TUBGCP6: variants seen among roughly 807,000 people sequenced by gnomAD.
TUBGCP6 encodes the protein tubulin gamma complex component 6.
Under a neutral mutation model 175.8 loss-of-function variants are expected in TUBGCP6, and 161 were observed. The ratio of observed to expected loss-of-function variants is 0.92; its 90% CI spans 0.81 to 1.04. The LOEUF (loss-of-function observed/expected upper bound fraction) is 1.04. Ranked by LOEUF, TUBGCP6 falls within the 50% of genes least tolerant of loss-of-function variation. The probability of loss-of-function intolerance (pLI) is 0.00; values close to 1 mark genes in which losing one functional copy is unlikely to be tolerated. For missense variants in TUBGCP6, 2,572 were observed against 2,433.0 expected (o/e 1.06, Z -1.20); for synonymous variants, 1,173 against 1,030.5 (o/e 1.14, Z -2.65).
chr22:50,222,807 G>A (rs953224130), intron 13 of TUBGCP6, among the ~76,000 whole-genome samples: 1 of 152,342 alleles, frequency 6.6e-6, no homozygotes, highest in East Asian at 1.9e-4. Flanking sequence ...AGACCCTGGT[G>A]AGTCAGCGTC....
chr22:50,234,144 AT>A (rs1306126571), intron 2 of TUBGCP6, among the ~76,000 whole-genome samples: 1 of 136,448 alleles, frequency 7.3e-6, no homozygotes, highest in Non-Finnish European at 1.6e-5. Flanking sequence ...CCACACCCCT[AT>A]CCACAGCAGC....
At position 50,218,204 on chromosome 22, in the gene TUBGCP6, T is replaced by A; in HGVS notation, c.5153A>T (p.His1718Leu). ...CAGGCCTCACCTGAAGACGGCCTTG[T>A]GCAGGTACTCTGCGTGCGCACGCTG... Reference protein sequence around the residue: ...EIQRAHAEYLHKAVFRGLLTE... With the variant: ...EIQRAHAEYLLKAVFRGLLTE... Residue 1718 changes from histidine to leucine, a missense_variant, in exon 23 of 25, where the codon CAC (histidine) becomes CTC (leucine). By Grantham distance (99) the His-to-Leu change is moderately conservative. Coordinates refer to ENST00000248846, the MANE Select transcript of TUBGCP6 (RefSeq NM_020461.4). 1 of 1,612,210 alleles carries A rather than the reference T, an allele frequency of 6.2e-7. No homozygotes were observed. Among genetic ancestry groups the A allele is most frequent in the Non-Finnish European group, 8.5e-7 (1 of 1,179,844 alleles).
At chr22:50,236,726 G>A (rs1375667012) in intron 2 of TUBGCP6, among the ~76,000 whole-genome samples, 1 of 152,184 alleles carries the variant, frequency 6.6e-6, no homozygotes, top group Non-Finnish European at 1.5e-5. Flanking sequence ...GACCCCAGAC[G>A]CCTGCCCAGG....
At chr22:50,227,309 C>A (rs369155852) in intron 5 of TUBGCP6, among the ~76,000 whole-genome samples, 1 of 152,138 alleles carries the variant, frequency 6.6e-6, no homozygotes, top group African/African-American at 2.4e-5. Flanking sequence ...AGTACCCACA[C>A]CCAGCAGGCC....
At chr22:50,231,031 G>C (rs1452280587) in intron 3 of TUBGCP6, among the ~76,000 whole-genome samples, 3 of 131,546 alleles carry the variant, frequency 2.3e-5, no homozygotes, top group Non-Finnish European at 4.7e-5. Flanking sequence ...GCAGTGAGCT[G>C]AGATCACGCC....
Position 50,218,287 on chromosome 22 carries a change from G to T in TUBGCP6, c.5070C>A (p.His1690Gln). The stretch of plus-strand genomic sequence containing the variant: ...TGGCCCTGAACTCGCACCAGGTGAC[G>T]TGCAGGATCTGGTTGGCGATGTAGC... Reference protein sequence around the residue: ...IQGYIANQILHVTWCEFRARL... With the variant: ...IQGYIANQILQVTWCEFRARL... Residue 1690 changes from histidine to glutamine, a missense_variant, in exon 23 of 25, where the codon CAC becomes CAA. Physicochemically the swap from His to Gln is conservative, Grantham distance 24. Coordinates refer to ENST00000248846, the MANE Select transcript of TUBGCP6 (RefSeq NM_020461.4). The T allele has an allele frequency of 3.1e-6, 5 of 1,613,152 alleles. No homozygotes were observed. Among genetic ancestry groups the T allele is most frequent in the South Asian group, 1.1e-5 (1 of 91,090 alleles).
intron 3 of TUBGCP6, among the ~76,000 whole-genome samples, chr22:50,232,876 T>G (rs2064711625): frequency 6.6e-6 from 1 of 152,222 alleles, no homozygotes; most frequent in Non-Finnish European, 1.5e-5. Flanking sequence ...CTGGCTAAAC[T>G]GCAGCTGGTG....
At position 50,221,672 on chromosome 22, in the gene TUBGCP6, A is replaced by G. The variant is rs749154279; in HGVS notation, c.2687T>C (p.Ile896Thr). 1.3e-6 allele frequency: 2 copies of G among 1,518,124 alleles called. No homozygotes were observed. Among genetic ancestry groups the G allele is most frequent in the East Asian group, 2.3e-5 (1 of 44,032 alleles). 94.0% of individuals were successfully genotyped at this position (1,518,124 alleles called of 1,614,324 possible). Residue 896 changes from isoleucine to threonine, a missense_variant, in exon 16 of 25, where the codon ATT becomes ACT. Transcript: ENST00000248846. ...TGGGCCCACAGGTAGGAAGTCTCCA[A>G]TGCTGAGGCTGTCAGAGAAGGGTCT... ...GARPFSDSLS[I>T]GDFLPVGPGA...
intron 4 of TUBGCP6, among the ~76,000 whole-genome samples, chr22:50,228,278 GGGCGCCC>G (rs2064642302): frequency 2.0e-5 from 1 of 50,168 alleles, no homozygotes; most frequent in African/African-American, 8.4e-5. Flanking sequence ...GCTGCCCCAG[GGGCGCCC>G]ACCACCAACC....
intron 24 of TUBGCP6, 39 bp from the exon 25 acceptor site, chr22:50,217,866 G>T: frequency 6.2e-7 from 1 of 1,610,540 alleles, no homozygotes; most frequent in Non-Finnish European, 8.5e-7. Context: ...TGCCCACAGT[G>T]TGAGCCCCGC....
intron 1 of TUBGCP6, among the ~76,000 whole-genome samples, 153 bp from the exon 2 acceptor site, chr22:50,240,520 A>C (rs2064826814): frequency 6.6e-6 from 1 of 152,242 alleles, no homozygotes; most frequent in African/African-American, 2.4e-5. Context: ...GTTTCCCACC[A>C]ATGAGCCATT....
rs774527811 is a variant in TUBGCP6, at chr22:50,240,381, G to C, written c.742-14C>G. The C allele has an allele frequency of 1.9e-6, 3 of 1,611,196 alleles. No individual in the cohort carries two copies. The Admixed American group carries it at 5.0e-5, about 27-fold the overall frequency. ...ACTCGGTGGGACCTGGAGACACAGG[G>C]AAGGGCAAACCGCCACTTATTGCTG... is the stretch of plus-strand genomic sequence containing the variant. On this transcript the variant is annotated splice_polypyrimidine_tract_variant and intron_variant, in intron 1 of 24. Transcript: ENST00000248846.
Position 50,218,408 on chromosome 22 carries a change from G to GGAGGGCA in TUBGCP6, c.4955-13_4955-7dup. The GGAGGGCA allele has an allele frequency of 1.2e-6, 2 of 1,612,788 alleles. No homozygotes were observed. Among genetic ancestry groups the GGAGGGCA allele is most frequent in the Non-Finnish European group, 1.7e-6 (2 of 1,179,860 alleles). On this transcript the variant is annotated splice_region_variant and splice_polypyrimidine_tract_variant and intron_variant, in intron 22 of 24. Coordinates refer to ENST00000248846, the MANE Select transcript of TUBGCP6 (RefSeq NM_020461.4). ...GGCCATGTGGCTCAGCAGGGCTGGC[G>GGAGGGCA]GAGGGCAGAAGGCAGAGGGCAGAGG...
At chr22:50,234,117 GTCCACAGCATCATCATCCACACCCCTA>G (rs1438044194) in intron 2 of TUBGCP6, among the ~76,000 whole-genome samples, 12 of 141,466 alleles carry the variant, frequency 8.5e-5, no homozygotes, top group Non-Finnish European at 1.8e-4. Flanking sequence ...CACACCCCCT[GTCCACAGCATCATCATCCACACCCCTA>G]TCCACAGCAG....
At position 50,218,411 on chromosome 22, in the gene TUBGCP6, G is replaced by A. The variant is rs758165631; in HGVS notation, c.4955-9C>T. On this transcript the variant is annotated splice_polypyrimidine_tract_variant and intron_variant, in intron 22 of 24. Transcript: ENST00000248846. ...CATGTGGCTCAGCAGGGCTGGCGGA[G>A]GGCAGAAGGCAGAGGGCAGAGGTGA... The A allele has an allele frequency of 6.2e-6, 10 of 1,612,930 alleles. No homozygotes were observed. The highest frequency in any genetic ancestry group is 8.5e-6 in the Non-Finnish European group (10 of 1,179,876).
chr22:50,226,091 A>G lies in TUBGCP6; in HGVS notation c.1792T>C (p.Cys598Arg). ...LKHIAHDIYV[C>R]GKTINLLKLC... ...TTCAGCAGGTTAATGGTCTTTCCGC[A>G]GACGTATATGTCGTGGGCAATGTGC... Residue 598 changes from cysteine (C) to arginine (R), a missense_variant, in exon 9 of 25, where the codon TGC (cysteine) becomes CGC (arginine). Physicochemically the swap from Cys to Arg is radical, Grantham distance 180 (BLOSUM62 -3). Transcript: ENST00000248846. 1 of 1,614,176 alleles carries G rather than the reference A, an allele frequency of 6.2e-7. No homozygotes were observed. The highest frequency in any genetic ancestry group is 1.1e-5 in the South Asian group (1 of 91,084).
intron 13 of TUBGCP6, chr22:50,223,856 G>A (rs1248407055): frequency 2.1e-5 from 6 of 280,758 alleles, no homozygotes; most frequent in Non-Finnish European, 3.4e-5. Flanking sequence ...AAGGAAGGAT[G>A]TTCAGAAAGA....
chr22:50,243,636 AAG>A, intron 1 of TUBGCP6, 81 bp downstream of exon 1: 2 of 1,202,778 alleles, frequency 1.7e-6, no homozygotes, highest in Non-Finnish European at 1.1e-6. Flanking sequence ...AAAAAAAAAG[AAG>A]AAGAAGAAGA....
intron 1 of TUBGCP6, among the ~76,000 whole-genome samples, chr22:50,242,862 T>A (rs1167710062): frequency 6.6e-6 from 1 of 152,202 alleles, no homozygotes; most frequent in Non-Finnish European, 1.5e-5. Context: ...CTTAACGATA[T>A]ACCCCATTAG....
Sources: allele counts gnomAD v4.1 joint callset (sites outside exome capture counted in the v4.1 genomes callset), GRCh38; gene constraint gnomAD v4.1.1; transcripts MANE v1.5; gene names NCBI Gene and HGNC (gene_info 2026-07-23, HGNC 2026-07-21).